The following SERGEF variants were observed in gnomAD, a reference collection of about 807,000 sequenced individuals.
The protein encoded by SERGEF is secretion-regulating guanine nucleotide exchange factor.
In SERGEF, 51 loss-of-function variants were observed where a neutral mutation model predicts 50.0. The ratio of observed to expected loss-of-function variants is 1.02; its 90% CI spans 0.81 to 1.29. The LOEUF (loss-of-function observed/expected upper bound fraction) is 1.29. Among genes scored for constraint, SERGEF ranks in the 50% most tolerant of loss-of-function variants. SERGEF has a pLI of 0.00. For synonymous variants in SERGEF, 205 were observed against 212.4 expected (o/e 0.97, Z 0.30); for missense variants, 521 against 557.0 (o/e 0.94, Z 0.65).
chr11:17,935,897 G>T (rs1178298128), intron 9 of SERGEF, among the ~76,000 whole-genome samples: 1 of 152,162 alleles, frequency 6.6e-6, no homozygotes, highest in African/African-American at 2.4e-5. Context: ...TGGGGAGATG[G>T]GGCAGCAGAG....
At chr11:17,849,004 T>C (rs1361542628) in intron 10 of SERGEF, among the ~76,000 whole-genome samples, 6 of 152,206 alleles carry the variant, frequency 3.9e-5, no homozygotes, top group Admixed American at 3.3e-4. Flanking sequence ...TCTGACCACA[T>C]TGCTTTTCTA....
chr11:17,791,103 T>C (rs1849477522), intron 10 of SERGEF, among the ~76,000 whole-genome samples: 1 of 152,262 alleles, frequency 6.6e-6, no homozygotes, highest in Non-Finnish European at 1.5e-5. Context: ...TATACACATT[T>C]ACTTATAATG....
At chr11:18,002,164 A>G (rs1419904027) in intron 4 of SERGEF, 1 of 370,948 alleles carries the variant, frequency 2.7e-6, no homozygotes, top group Non-Finnish European at 5.3e-6. Flanking sequence ...TTTTTCCCCA[A>G]AAAACTAACT....
At chr11:17,860,539 C>T (rs945800089) in intron 10 of SERGEF, among the ~76,000 whole-genome samples, 1 of 152,044 alleles carries the variant, frequency 6.6e-6, no homozygotes, top group Non-Finnish European at 1.5e-5. Context: ...AAATGGTTGG[C>T]TCCGGAAATT....
chr11:17,818,188 C>T (rs745876288), intron 10 of SERGEF, among the ~76,000 whole-genome samples: 2 of 152,056 alleles, frequency 1.3e-5, no homozygotes, highest in Admixed American at 6.5e-5. Context: ...GAGTGAGACA[C>T]GGGAAACAGC....
At chr11:17,873,877 A>C (rs923111273) in intron 10 of SERGEF, among the ~76,000 whole-genome samples, 1 of 152,246 alleles carries the variant, frequency 6.6e-6, no homozygotes, top group Non-Finnish European at 1.5e-5. Context: ...CACATCAGGA[A>C]GAAGGCAAGC....
In SERGEF at chr11:17,789,380, T is replaced by C. The variant is rs368390538; in HGVS notation, c.1049-967A>G. Among the ~76,000 whole-genome samples, 4 of 152,214 alleles carry C rather than the reference T, an allele frequency of 2.6e-5. No homozygotes were observed. The East Asian group carries it at 5.8e-4, about 22-fold the overall frequency. ...CTTCACTGCTGTATCTCTAGGACAG[T>C]GCCTGGTACACAGTTGGTGCTCAAC... is the stretch of plus-strand genomic sequence containing the variant. On this transcript the variant is annotated intron_variant, in intron 10 of 10. Transcript: ENST00000265965.
At chr11:17,816,984 G>C (rs1044679656) in intron 10 of SERGEF, among the ~76,000 whole-genome samples, 7 of 152,142 alleles carry the variant, frequency 4.6e-5, no homozygotes, top group Non-Finnish European at 8.8e-5. Flanking sequence ...ACTTGCCCTA[G>C]AAGCCTGTCC....
At chr11:18,006,276 G>A (rs1252901729) in intron 3 of SERGEF, among the ~76,000 whole-genome samples, 1 of 152,056 alleles carries the variant, frequency 6.6e-6, no homozygotes, top group Non-Finnish European at 1.5e-5. Context: ...CGCCTGCCTC[G>A]GCCTCCCAAA....
intron 10 of SERGEF, among the ~76,000 whole-genome samples, chr11:17,876,555 T>C (rs1273974009): frequency 6.6e-6 from 1 of 152,212 alleles, no homozygotes; most frequent in African/African-American, 2.4e-5. Flanking sequence ...TTACCCCCAT[T>C]ACAAAGATGA....
intron 10 of SERGEF, among the ~76,000 whole-genome samples, chr11:17,859,312 G>T (rs1287104508): frequency 1.3e-5 from 2 of 151,932 alleles, no homozygotes; most frequent in African/African-American, 2.4e-5. Context: ...AAATAAGAAA[G>T]AACCTTAGAA....
intron 10 of SERGEF, among the ~76,000 whole-genome samples, chr11:17,867,300 G>T (rs1851047538): frequency 6.6e-6 from 1 of 152,226 alleles, no homozygotes; most frequent in Non-Finnish European, 1.5e-5. Flanking sequence ...CAAAATGGGA[G>T]AAATTGGCCA....
intron 10 of SERGEF, among the ~76,000 whole-genome samples, chr11:17,790,463 A>G (rs1849466299): frequency 6.6e-6 from 1 of 152,164 alleles, no homozygotes; most frequent in Non-Finnish European, 1.5e-5. Flanking sequence ...CATTATGTAT[A>G]AATCATATTT....
chr11:17,931,163 G>C (rs1043631018), intron 9 of SERGEF, among the ~76,000 whole-genome samples: 10 of 151,978 alleles, frequency 6.6e-5, no homozygotes, highest in African/African-American at 2.4e-4. Context: ...AATAAGATTA[G>C]GTAGAGTATT....
At chr11:17,913,769 G>A (rs1565203218) in intron 9 of SERGEF, among the ~76,000 whole-genome samples, 1 of 152,098 alleles carries the variant, frequency 6.6e-6, no homozygotes, top group Non-Finnish European at 1.5e-5. Flanking sequence ...TGGCTGCAGT[G>A]TAGGCAGCCC....
chr11:17,856,543 T>C (rs1850821784), intron 10 of SERGEF: 1 of 152,164 alleles, frequency 6.6e-6, no homozygotes, highest in African/African-American at 2.4e-5. Flanking sequence ...TTTGAGAGAA[T>C]ATTGCTAATT....
At chr11:17,824,593 G>T (rs1396816586) in intron 10 of SERGEF, among the ~76,000 whole-genome samples, 1 of 152,146 alleles carries the variant, frequency 6.6e-6, no homozygotes, top group Admixed American at 6.5e-5. Flanking sequence ...TTTTCTCACA[G>T]TTCTAGAAGC....
intron 9 of SERGEF, among the ~76,000 whole-genome samples, chr11:17,898,911 T>C (rs1590185407): frequency 6.6e-6 from 1 of 152,306 alleles, no homozygotes; most frequent in South Asian, 2.1e-4. Context: ...GCGTGGCCCT[T>C]CATGAATGAT....
chr11:17,934,145 TA>T (rs2133950096), intron 9 of SERGEF, among the ~76,000 whole-genome samples: 1 of 152,260 alleles, frequency 6.6e-6, no homozygotes, highest in East Asian at 1.9e-4. Flanking sequence ...TGTCCAGGTA[TA>T]GATATCACTG....
Sources: gnomAD v4.1 joint callset for allele counts (sites outside exome capture counted in the v4.1 genomes callset) on GRCh38, gnomAD v4.1.1 for gene constraint, MANE v1.5 for transcripts, NCBI Gene and HGNC (gene_info 2026-07-23, HGNC 2026-07-21) for gene names.